BTBD1: variants seen among roughly 807,000 people sequenced by gnomAD.
The protein encoded by BTBD1 is BTB domain containing 1.
A neutral mutation model predicts 48.0 loss-of-function variants in BTBD1; 34 were observed. That is an observed-to-expected ratio of 0.71 (90% CI 0.54 to 0.94). BTBD1 has a LOEUF of 0.94. Among genes scored for constraint, BTBD1 ranks in the 40% least tolerant of loss-of-function variants. BTBD1 has a pLI of 0.00. For missense variants in BTBD1, 543 were observed against 625.6 expected, an observed-to-expected ratio of 0.87 and a Z score of 1.41; for synonymous variants, 261 against 242.1, an observed-to-expected ratio of 1.08 and a Z score of -0.72.
chr15:83,055,191 G>C (rs938529904), intron 2 of BTBD1, among the ~76,000 whole-genome samples: 3 of 151,982 alleles, frequency 2.0e-5, no homozygotes, highest in Admixed American at 6.6e-5. Context: ...TATATGTTAA[G>C]GACTGGTTAA....
intron 4 of BTBD1, among the ~76,000 whole-genome samples, chr15:83,034,090 C>CAAAAAA (rs748026027): frequency 1.0e-3 from 68 of 65,874 alleles, no homozygotes; most frequent in Non-Finnish European, 1.2e-3. Flanking sequence ...CTGTCTACAC[C>CAAAAAA]AAAAAAAAAA....
chr15:83,054,886 A>T (rs1192153587), intron 2 of BTBD1, among the ~76,000 whole-genome samples: 2 of 152,058 alleles, frequency 1.3e-5, no homozygotes, highest in African/African-American at 4.8e-5. Flanking sequence ...TAAATGATAG[A>T]ATGAACACTG....
intron 1 of BTBD1, among the ~76,000 whole-genome samples, chr15:83,058,390 T>A (rs1244446218): frequency 6.6e-6 from 1 of 152,130 alleles, no homozygotes; most frequent in Non-Finnish European, 1.5e-5. Context: ...TCATTTTAAT[T>A]GAGAGAGAGA....
chr15:83,065,131 C>G (rs1567115122), intron 1 of BTBD1, among the ~76,000 whole-genome samples: 3 of 119,478 alleles, frequency 2.5e-5, no homozygotes, highest in Admixed American at 2.3e-4. Context: ...TTCCCTACAG[C>G]TGACTACTTC....
At chr15:83,051,904 A>ACACACACACACC (rs61375537) in intron 2 of BTBD1, among the ~76,000 whole-genome samples, 72 of 149,994 alleles carry the variant, frequency 4.8e-4, no homozygotes, top group African/African-American at 1.4e-3. Flanking sequence ...ACACACACAC[A>ACACACACACACC]TCTATCTGGG....
intron 3 of BTBD1, among the ~76,000 whole-genome samples, chr15:83,042,352 A>T (rs1019862187): frequency 1.7e-5 from 2 of 119,258 alleles, no homozygotes; most frequent in East Asian, 4.1e-4. Flanking sequence ...GCAATTTTAT[A>T]TATATATATA....
chr15:83,046,136 C>G (rs1285685666), intron 3 of BTBD1, among the ~76,000 whole-genome samples: 1 of 152,012 alleles, frequency 6.6e-6, no homozygotes, highest in Non-Finnish European at 1.5e-5. Context: ...TAGTTCACAC[C>G]TGTAATCCCA....
chr15:83,018,920 T>C (rs1352379236), intron 6 of BTBD1, 67 bp from the exon 7 acceptor site: 2 of 1,317,330 alleles, frequency 1.5e-6, no homozygotes, highest in Non-Finnish European at 2.1e-6. Flanking sequence ...GAAAATAATA[T>C]AAAGCCCTTA....
chr15:83,021,750 A>G (rs1038265805), intron 5 of BTBD1, among the ~76,000 whole-genome samples: 5 of 149,430 alleles, frequency 3.3e-5, no homozygotes, highest in Non-Finnish European at 7.4e-5. Flanking sequence ...TCAAATAATA[A>G]TAATAATAAT....
At chr15:83,058,231 CT>C (rs1199583254) in intron 1 of BTBD1, among the ~76,000 whole-genome samples, 2 of 152,242 alleles carry the variant, frequency 1.3e-5, no homozygotes, top group Non-Finnish European at 2.9e-5. Flanking sequence ...TTTGAAAGCT[CT>C]GGATTCTGGG....
At chr15:83,066,631 C>G in intron 1 of BTBD1, 120 bp downstream of exon 1, 1 of 1,080,150 alleles carries the variant, frequency 9.3e-7, no homozygotes, top group Non-Finnish European at 1.2e-6. Flanking sequence ...AGGCCCCGGG[C>G]GGGTCAGAAG....
rs544757793 is a variant in BTBD1 at position 83,044,479 on chromosome 15, T to C, written c.665-2554A>G. 3.2e-4 allele frequency: 506 copies of C among 1,577,230 alleles called. 2 individuals carry two copies. Among genetic ancestry groups the C allele is most frequent in the Middle Eastern group, 8.6e-4 (5 of 5,810 alleles). ...ACTGCTTTGCGAAAAATGGACGCAATGGCCAAGCCAGATTGTATCATCACT... is the reference window on the plus strand; with the variant it reads ...ACTGCTTTGCGAAAAATGGACGCAACGGCCAAGCCAGATTGTATCATCACT... On this transcript the variant is annotated intron_variant, in intron 3 of 7. Coordinates refer to ENST00000261721, the MANE Select transcript of BTBD1 (RefSeq NM_025238.4).
intron 4 of BTBD1, among the ~76,000 whole-genome samples, chr15:83,034,826 T>C (rs1596431120): frequency 6.6e-6 from 1 of 152,228 alleles, no homozygotes; most frequent in South Asian, 2.1e-4. Context: ...TAGTAACTGA[T>C]AGAACAAAAA....
intron 4 of BTBD1, among the ~76,000 whole-genome samples, chr15:83,037,262 A>C (rs1311673768): frequency 1.3e-5 from 2 of 152,224 alleles, no homozygotes; most frequent in East Asian, 3.8e-4. Flanking sequence ...GCATAATGAA[A>C]TACAATTCAG....
chr15:83,018,049 A>C lies in BTBD1; in HGVS notation c.*18T>G. On this transcript the variant is annotated 3_prime_UTR_variant, in exon 8 of 8. Transcript: ENST00000261721. ...GATTGTATGGTATTATTTAGCCAAG[A>C]TGTATTATAATGCTAAATTATGTAT... 6.4e-7 allele frequency: 1 copy of C among 1,551,234 alleles called. No homozygotes were observed. Among genetic ancestry groups the C allele is most frequent in the African/African-American group, 1.4e-5 (1 of 73,262 alleles).
intron 1 of BTBD1, among the ~76,000 whole-genome samples, chr15:83,063,066 T>C (rs2033201596): frequency 1.3e-5 from 2 of 152,214 alleles, no homozygotes; most frequent in South Asian, 2.1e-4. Context: ...CCACTTTCCA[T>C]AGTTGACATT....
intron 1 of BTBD1, among the ~76,000 whole-genome samples, chr15:83,057,358 A>T (rs2033105435): frequency 6.6e-6 from 1 of 152,240 alleles, no homozygotes; most frequent in Non-Finnish European, 1.5e-5. Context: ...TAAAAAGATG[A>T]GAATAAGAGC....
intron 3 of BTBD1, among the ~76,000 whole-genome samples, chr15:83,045,563 A>G (rs1457276807): frequency 6.6e-6 from 1 of 152,222 alleles, no homozygotes; most frequent in Non-Finnish European, 1.5e-5. Context: ...TAAGAGCCAA[A>G]TATTTGCTTA....
intron 4 of BTBD1, among the ~76,000 whole-genome samples, chr15:83,040,173 C>T (rs1010297583): frequency 6.6e-6 from 1 of 152,046 alleles, no homozygotes; most frequent in African/African-American, 2.4e-5. Context: ...GGAAGCTAAA[C>T]ATTGGATACA....
Sources: gnomAD v4.1 joint callset for allele counts (sites outside exome capture counted in the v4.1 genomes callset) on GRCh38, gnomAD v4.1.1 for gene constraint, MANE v1.5 for transcripts, NCBI Gene and HGNC (gene_info 2026-07-23, HGNC 2026-07-21) for gene names.